Variants in SMARCC1 observed in about 807,000 individuals in gnomAD.
The protein encoded by SMARCC1 is SWI/SNF related BAF chromatin remodeling complex subunit C1.
Under a neutral mutation model 147.4 loss-of-function variants are expected in SMARCC1, and 43 were observed. The ratio of observed to expected loss-of-function variants is 0.29; its 90% CI spans 0.23 to 0.38. SMARCC1 has a LOEUF of 0.38. Ranked by LOEUF, SMARCC1 falls within the 10% of genes least tolerant of loss-of-function variation. The pLI is 1.00. For missense variants in SMARCC1, 1,119 were observed against 1,381.1 expected, an observed-to-expected ratio of 0.81 and a Z score of 3.01; for synonymous variants, 495 against 484.4, an observed-to-expected ratio of 1.02 and a Z score of -0.29.
intron 6 of SMARCC1, among the ~76,000 whole-genome samples, chr3:47,726,440 A>T (rs2034301447): frequency 6.6e-6 from 1 of 152,182 alleles, no homozygotes; most frequent in African/African-American, 2.4e-5. Flanking sequence ...GTTATTGCCA[A>T]TGCTTTATTC....
intron 11 of SMARCC1, among the ~76,000 whole-genome samples, chr3:47,698,688 A>G (rs950614959): frequency 6.6e-6 from 1 of 152,176 alleles, no homozygotes; most frequent in Non-Finnish European, 1.5e-5. Context: ...AGGAAAAATT[A>G]CATTAAATGC....
intron 25 of SMARCC1, among the ~76,000 whole-genome samples, chr3:47,616,823 GA>G (rs201127304): frequency 7.4e-5 from 11 of 149,578 alleles, no homozygotes; most frequent in Non-Finnish European, 1.0e-4. Context: ...TCATTAGAGG[GA>G]AAAAAAAAGC....
chr3:47,665,846 C>G (rs890061186), intron 19 of SMARCC1, among the ~76,000 whole-genome samples: 1 of 151,428 alleles, frequency 6.6e-6, no homozygotes, highest in South Asian at 2.1e-4. Context: ...TACACTCACT[C>G]ACTCTCTTTT....
At chr3:47,678,095 G>A (rs1473083752) in intron 16 of SMARCC1, 103 bp downstream of exon 16, 2 of 539,244 alleles carry the variant, frequency 3.7e-6, no homozygotes, top group Non-Finnish European at 3.3e-6. Flanking sequence ...AAAATTAGGT[G>A]TTTTACCCAG....
At chr3:47,700,037 C>T (rs2033898339) in intron 11 of SMARCC1, among the ~76,000 whole-genome samples, 1 of 151,602 alleles carries the variant, frequency 6.6e-6, no homozygotes, top group Admixed American at 6.6e-5. Context: ...ATTTTTCATG[C>T]TCACAGAATA....
chr3:47,675,249 T>A (rs1247365980), intron 18 of SMARCC1, among the ~76,000 whole-genome samples: 1 of 152,268 alleles, frequency 6.6e-6, no homozygotes, highest in Non-Finnish European at 1.5e-5. Flanking sequence ...TGATTCTTTT[T>A]ACAGATTCTA....
chr3:47,681,219 A>T (rs2033640482), intron 14 of SMARCC1, among the ~76,000 whole-genome samples: 1 of 152,202 alleles, frequency 6.6e-6, no homozygotes, highest in African/African-American at 2.4e-5. Flanking sequence ...CAGAGTAGAG[A>T]CAATGAATTT....
intron 21 of SMARCC1, among the ~76,000 whole-genome samples, chr3:47,639,581 G>T (rs1389402115): frequency 6.6e-6 from 1 of 152,104 alleles, no homozygotes; most frequent in African/African-American, 2.4e-5. Flanking sequence ...AGGTGCGGTG[G>T]TGTGCACCTA....
chr3:47,696,089 GGC>G (rs1272670431), intron 11 of SMARCC1, among the ~76,000 whole-genome samples: 10 of 132,396 alleles, frequency 7.6e-5, no homozygotes, highest in Admixed American at 1.5e-4. Context: ...GGGGGGGGGG[GGC>G]CAGGCGAGGT....
At chr3:47,753,510 TC>T (rs1265865693) in intron 2 of SMARCC1, among the ~76,000 whole-genome samples, 2 of 151,086 alleles carry the variant, frequency 1.3e-5, no homozygotes, top group African/African-American at 2.4e-5. Context: ...GGTCAGGAGT[TC>T]AAGACCTGCC....
At chr3:47,671,113 T>C (rs1168532338) in intron 18 of SMARCC1, among the ~76,000 whole-genome samples, 1 of 125,912 alleles carries the variant, frequency 7.9e-6, no homozygotes, top group Non-Finnish European at 1.6e-5. Context: ...GAGGCAGAGG[T>C]TGCAGTGAGC....
At chr3:47,752,480 G>A (rs1400032954) in intron 2 of SMARCC1, among the ~76,000 whole-genome samples, 2 of 152,028 alleles carry the variant, frequency 1.3e-5, no homozygotes, top group Non-Finnish European at 2.9e-5. Context: ...AATTCGTATT[G>A]GAAAACCTAA....
intron 1 of SMARCC1, among the ~76,000 whole-genome samples, chr3:47,778,207 AAACAAAAAAC>A (rs2035000054): frequency 6.8e-6 from 1 of 146,660 alleles, no homozygotes; most frequent in African/African-American, 2.6e-5. Context: ...AAAAAACAAA[AAACAAAAAAC>A]AAAAAAAACA....
At chr3:47,627,923 C>T (rs2032835761) in intron 24 of SMARCC1, among the ~76,000 whole-genome samples, 1 of 151,980 alleles carries the variant, frequency 6.6e-6, no homozygotes, top group African/African-American at 2.4e-5. Context: ...TGATCTCTCT[C>T]TGTTGCCCAG....
intron 11 of SMARCC1, among the ~76,000 whole-genome samples, chr3:47,698,218 GA>G (rs1244934880): frequency 6.6e-6 from 1 of 151,480 alleles, no homozygotes; most frequent in Non-Finnish European, 1.5e-5. Context: ...ATTAAAAGGA[GA>G]AATATCATTA....
At chr3:47,618,336 G>A (rs1459808225) in intron 25 of SMARCC1, among the ~76,000 whole-genome samples, 1 of 151,626 alleles carries the variant, frequency 6.6e-6, no homozygotes, top group African/African-American at 2.4e-5. Flanking sequence ...GAGGCAAGGA[G>A]TTTGAGACCA....
rs150852973 is a variant in SMARCC1 at position 47,626,914 on chromosome 3, C to A, written c.2647-4573G>T. On this transcript the variant is annotated intron_variant, in intron 24 of 27. Coordinates refer to ENST00000254480, the MANE Select transcript of SMARCC1 (RefSeq NM_003074.4). ...GGAGTGGAAAAAAACCTCAGTTACC[C>A]CTGTCAAGGACTAGGATTCTAATGA... Among the ~76,000 whole-genome samples, 11 of 152,226 alleles carry A rather than the reference C, an allele frequency of 7.2e-5. No individual in the cohort carries two copies. In the East Asian group the frequency reaches 2.1e-3, roughly 29 times the overall value.
chr3:47,731,867 T>C (rs1175001793), intron 5 of SMARCC1, among the ~76,000 whole-genome samples: 1 of 152,224 alleles, frequency 6.6e-6, no homozygotes, highest in African/African-American at 2.4e-5. Context: ...CAATAATCTG[T>C]AGGGCCTTAT....
At chr3:47,696,177 C>A (rs1447765770) in intron 11 of SMARCC1, among the ~76,000 whole-genome samples, 3 of 151,614 alleles carry the variant, frequency 2.0e-5, no homozygotes, top group Non-Finnish European at 2.9e-5. Context: ...TCGGGACCAG[C>A]CTGGCCAATA....
Sources: allele counts gnomAD v4.1 joint callset (sites outside exome capture counted in the v4.1 genomes callset), GRCh38; gene constraint gnomAD v4.1.1; transcripts MANE v1.5; gene names NCBI Gene and HGNC (gene_info 2026-07-23, HGNC 2026-07-21).